The following ZMYM4 variants were observed in gnomAD, a reference collection of about 807,000 sequenced individuals.
ZMYM4 encodes the protein zinc finger MYM-type protein 4.
ZMYM4 carries 31 observed loss-of-function variants against 183.2 expected under a neutral mutation model. That is an observed-to-expected ratio of 0.17 (90% confidence interval 0.13 to 0.23). ZMYM4 has a LOEUF of 0.23. Ranked by LOEUF, ZMYM4 falls within the 10% of genes least tolerant of loss-of-function variation. The pLI is 1.00. For missense variants in ZMYM4, 1,273 were observed against 1,840.3 expected (o/e 0.69, Z 5.64); for synonymous variants, 592 against 631.2 (o/e 0.94, Z 0.93).
At chr1:35,345,049 A>G (rs1570399910) in intron 2 of ZMYM4, among the ~76,000 whole-genome samples, 1 of 152,208 alleles carries the variant, frequency 6.6e-6, no homozygotes, top group African/African-American at 2.4e-5. Flanking sequence ...AGTCTGCATC[A>G]TCATGGAAAT....
chr1:35,351,555 C>T, intron 2 of ZMYM4: 1 of 1,093,574 alleles, frequency 9.1e-7, no homozygotes, highest in Non-Finnish European at 1.3e-6. Context: ...GATCAGGTAA[C>T]TCAAAAGAAG....
At chr1:35,415,385 C>A in intron 27 of ZMYM4, 81 bp from the exon 28 acceptor site, 2 of 1,552,362 alleles carry the variant, frequency 1.3e-6, no homozygotes, top group Non-Finnish European at 1.8e-6. Flanking sequence ...TTTATATCTC[C>A]CTGTCTTAGA....
intron 1 of ZMYM4, among the ~76,000 whole-genome samples, chr1:35,286,135 T>C (rs1275980165): frequency 6.6e-6 from 1 of 152,182 alleles, no homozygotes; most frequent in Non-Finnish European, 1.5e-5. Flanking sequence ...ATCTTATACG[T>C]AGAATACCCT....
At chr1:35,311,406 G>T (rs1166664387) in intron 1 of ZMYM4, among the ~76,000 whole-genome samples, 1 of 140,572 alleles carries the variant, frequency 7.1e-6, no homozygotes, top group Non-Finnish European at 1.5e-5. Flanking sequence ...TCGGCAACAA[G>T]AGCAAAACTC....
chr1:35,338,892 C>T (rs1263878768), intron 2 of ZMYM4, among the ~76,000 whole-genome samples: 2 of 152,212 alleles, frequency 1.3e-5, no homozygotes, highest in African/African-American at 4.8e-5. Flanking sequence ...ATAAACTTCT[C>T]ATTCATCTCT....
chr1:35,302,221 T>A (rs1218069686), intron 1 of ZMYM4, among the ~76,000 whole-genome samples: 2 of 140,202 alleles, frequency 1.4e-5, no homozygotes, highest in Non-Finnish European at 3.0e-5. Context: ...TTTTTTTTTT[T>A]TTTTGTGACA....
rs138178587 is a variant in ZMYM4 at position 35,398,579 on chromosome 1, GT to G, written c.3253+114del. ...TTGTAATTTTAACTATTTGTAAGGG[GT>G]ATCAGATGTATATGAAGTGTACTAA... On this transcript the variant is annotated intron_variant, in intron 21 of 29. Coordinates refer to ENST00000314607, the MANE Select transcript of ZMYM4 (RefSeq NM_005095.3). 2.7e-4 allele frequency: 251 copies of G among 929,322 alleles called. No homozygotes were observed. The African/African-American group carries it at 3.1e-3, about 12-fold the overall frequency. 57.6% of individuals were successfully genotyped at this position (929,322 alleles called of 1,614,324 possible). A position where few individuals can be genotyped will look rare whatever the true frequency, so the allele number is the denominator to read the frequency against.
At chr1:35,416,598 C>CT (rs1318422512) in intron 28 of ZMYM4, among the ~76,000 whole-genome samples, 2 of 152,150 alleles carry the variant, frequency 1.3e-5, no homozygotes, top group Admixed American at 1.3e-4. Context: ...AAGTCTCACT[C>CT]TGTCACCCAG....
chr1:35,280,092 T>C (rs1459846671), intron 1 of ZMYM4, among the ~76,000 whole-genome samples: 1 of 151,862 alleles, frequency 6.6e-6, no homozygotes, highest in Non-Finnish European at 1.5e-5. Context: ...TTTTTTTCTC[T>C]CTTTCTCTTT....
In ZMYM4 at chr1:35,399,050, G is replaced by A; in HGVS notation, c.3433+7G>A. ...GAAGCAGATTTTCCATCAGGTTTGT[G>A]TACAGTAACCTGTCCACTGAAAGCT... is the stretch of plus-strand genomic sequence containing the variant. On this transcript the variant is annotated splice_region_variant and intron_variant, in intron 22 of 29. Transcript: ENST00000314607. 6.2e-7 allele frequency: 1 copy of A among 1,613,754 alleles called. No individual in the cohort carries two copies. Among genetic ancestry groups the A allele is most frequent in the South Asian group, 1.1e-5 (1 of 91,028 alleles).
chr1:35,377,497 T>G (rs1460351489), intron 7 of ZMYM4, among the ~76,000 whole-genome samples: 1 of 152,150 alleles, frequency 6.6e-6, no homozygotes, highest in Admixed American at 6.6e-5. Flanking sequence ...TTCAGAGATA[T>G]TCAGGATTTG....
chr1:35,341,184 C>A (rs2148860652), intron 2 of ZMYM4, among the ~76,000 whole-genome samples: 1 of 151,952 alleles, frequency 6.6e-6, no homozygotes, highest in Middle Eastern at 3.4e-3. Context: ...AGACATTTAT[C>A]TGCTGGGTCA....
chr1:35,296,843 C>CTTTCTTTTTTTTTTTTTTTTTT (rs1553163901), intron 1 of ZMYM4, among the ~76,000 whole-genome samples: 3 of 95,626 alleles, frequency 3.1e-5, no homozygotes, highest in African/African-American at 1.5e-4. Context: ...TTCTTTCTTT[C>CTTTCTTTTTTTTTTTTTTTTTT]TTTTTTTTTT....
chr1:35,326,848 C>T (rs1433551302), intron 2 of ZMYM4, among the ~76,000 whole-genome samples: 1 of 152,128 alleles, frequency 6.6e-6, no homozygotes, highest in Admixed American at 6.5e-5. Flanking sequence ...ATAGCCCTGG[C>T]TTGGAGTCAT....
At chr1:35,337,497 T>G (rs1414749006) in intron 2 of ZMYM4, among the ~76,000 whole-genome samples, 1 of 152,204 alleles carries the variant, frequency 6.6e-6, no homozygotes, top group Non-Finnish European at 1.5e-5. Context: ...TTAATATGTA[T>G]GCAATTCAGT....
At chr1:35,321,890 C>T (rs917030784) in intron 1 of ZMYM4, among the ~76,000 whole-genome samples, 5 of 151,416 alleles carry the variant, frequency 3.3e-5, no homozygotes, top group Admixed American at 1.3e-4. Context: ...AGAAATTGAT[C>T]CTACAGATAT....
chr1:35,347,020 T>A (rs960413146), intron 2 of ZMYM4, among the ~76,000 whole-genome samples: 1 of 152,222 alleles, frequency 6.6e-6, no homozygotes, highest in African/African-American at 2.4e-5. Context: ...TGTATTTATT[T>A]TGAGATGGAG....
At chr1:35,346,448 C>G (rs1050512839) in intron 2 of ZMYM4, among the ~76,000 whole-genome samples, 1 of 151,896 alleles carries the variant, frequency 6.6e-6, no homozygotes, top group Non-Finnish European at 1.5e-5. Context: ...GTCAGGAGTT[C>G]GAGACCAGCT....
intron 17 of ZMYM4, among the ~76,000 whole-genome samples, chr1:35,393,205 T>A (rs140980885): frequency 6.6e-6 from 1 of 152,334 alleles, no homozygotes; most frequent in Non-Finnish European, 1.5e-5. Flanking sequence ...TTTATTCAAG[T>A]TACTTAAATG....
Sources: gnomAD v4.1 joint callset for allele counts (sites outside exome capture counted in the v4.1 genomes callset) on GRCh38, gnomAD v4.1.1 for gene constraint, MANE v1.5 for transcripts, NCBI Gene and HGNC (gene_info 2026-07-23, HGNC 2026-07-21) for gene names.